The following MEGF11 variants were observed in gnomAD, a reference collection of about 807,000 sequenced individuals.
MEGF11 encodes multiple epidermal growth factor-like domains protein 11.
MEGF11 carries 126 observed loss-of-function variants against 146.6 expected under a neutral mutation model. The observed-to-expected ratio is 0.86, with a 90% CI of 0.74 to 1.00. The LOEUF (loss-of-function observed/expected upper bound fraction) is 1.00. MEGF11 is among the 50% of genes least tolerant of loss of function. The pLI, the probability that MEGF11 is intolerant of heterozygous loss-of-function variation, is 0.00. For synonymous variants in MEGF11, 532 were observed against 583.4 expected (o/e 0.91, Z 1.27); for missense variants, 1,509 against 1,521.2 (o/e 0.99, Z 0.13).
intron 5 of MEGF11, among the ~76,000 whole-genome samples, chr15:66,006,073 T>C (rs2082511481): frequency 6.6e-6 from 1 of 152,212 alleles, no homozygotes; most frequent in Admixed American, 6.5e-5. Flanking sequence ...AGCCTCAGTA[T>C]TCATCATCTG....
chr15:66,222,251 A>G (rs57203499), intron 1 of MEGF11, among the ~76,000 whole-genome samples: 3,313 of 152,060 alleles, frequency 0.022, 125 homozygotes, highest in African/African-American at 0.077. Context: ...CCTTGGACCC[A>G]GTACCAACCT....
chr15:66,081,671 G>A (rs1352892441), intron 5 of MEGF11, among the ~76,000 whole-genome samples: 3 of 152,140 alleles, frequency 2.0e-5, no homozygotes, highest in Non-Finnish European at 4.4e-5. Flanking sequence ...GAGCGACTGC[G>A]CCTGGCCCTT....
At chr15:65,910,230 G>C (rs1457769983) in intron 21 of MEGF11, among the ~76,000 whole-genome samples, 3 of 152,180 alleles carry the variant, frequency 2.0e-5, no homozygotes, top group Admixed American at 6.5e-5. Context: ...ACCTGATCCT[G>C]ATTGGGGCTG....
At chr15:66,024,862 A>G (rs1248033077) in intron 5 of MEGF11, among the ~76,000 whole-genome samples, 1 of 152,144 alleles carries the variant, frequency 6.6e-6, no homozygotes, top group Non-Finnish European at 1.5e-5. Context: ...CAGCTCAGCT[A>G]AGAGAGGCCA....
chr15:65,949,665 G>A (rs1467302568), intron 10 of MEGF11, among the ~76,000 whole-genome samples: 2 of 152,350 alleles, frequency 1.3e-5, no homozygotes, highest in Middle Eastern at 3.4e-3. Flanking sequence ...ATGGCCAGAG[G>A]GCCCCTTATC....
rs981988008 is a variant in MEGF11, at chr15:65,895,457, CAT to C, written c.*2475_*2476del. On this transcript the variant is annotated 3_prime_UTR_variant, in exon 26 of 26. Coordinates refer to ENST00000395614, the MANE Select transcript of MEGF11 (RefSeq NM_001385028.1). ...TTCTTTCATTCATTTTAATTGTACACATATTAATTTTTTGAAAATTTAGTTTC... is the reference window on the plus strand; with the variant it reads ...TTCTTTCATTCATTTTAATTGTACACATTAATTTTTTGAAAATTTAGTTTC... 2 of 152,612 alleles carry C rather than the reference CAT, an allele frequency of 1.3e-5. No homozygotes were observed. The highest frequency in any genetic ancestry group is 4.8e-5 in the African/African-American group (2 of 41,438). 9.5% of individuals were successfully genotyped at this position (152,612 alleles called of 1,614,324 possible). A position where few individuals can be genotyped will look rare whatever the true frequency, so the allele number is the denominator to read the frequency against.
chr15:66,100,969 C>T (rs555632746), intron 4 of MEGF11, among the ~76,000 whole-genome samples: 141 of 63,314 alleles, frequency 2.2e-3, no homozygotes, highest in African/African-American at 8.6e-3. Context: ...GGTGAACAGG[C>T]GGGTGAGTGA....
At chr15:65,929,938 T>G in intron 11 of MEGF11, 55 bp from the exon 12 acceptor site, 1 of 1,525,978 alleles carries the variant, frequency 6.6e-7, no homozygotes. Flanking sequence ...TGTGTCTTTT[T>G]TGCCCACTCC....
chr15:65,912,157 G>A lies in MEGF11; in HGVS notation c.2754C>T (p.Ser918=), dbSNP rs889828290. Residue 918 remains serine (S), a synonymous_variant, in exon 21 of 26, where the codon TCC becomes TCT. Transcript: ENST00000395614. ...SSSHAHCFSN[S]SYHALACGGP... ...CCCCACATGCCAGTGCGTGGTAGCT[G>A]GAATTGGAAAAGCAGTGGGCATGGC... 189 of 1,232,110 alleles carry A rather than the reference G, an allele frequency of 1.5e-4. No homozygotes were observed. The highest frequency in any genetic ancestry group is 1.9e-4 in the Non-Finnish European group (189 of 988,070). 76.3% of individuals were successfully genotyped at this position (1,232,110 alleles called of 1,614,324 possible).
chr15:66,174,663 A>G (rs1053472662), intron 1 of MEGF11, among the ~76,000 whole-genome samples: 2 of 151,374 alleles, frequency 1.3e-5, no homozygotes, highest in Non-Finnish European at 2.9e-5. Context: ...AGCCACAGGG[A>G]AGAAGCCCAG....
At chr15:66,186,783 TTTGGC>T (rs1456158670) in intron 1 of MEGF11, among the ~76,000 whole-genome samples, 2 of 152,244 alleles carry the variant, frequency 1.3e-5, no homozygotes, top group Admixed American at 1.3e-4. Flanking sequence ...CTCTGTCCTG[TTTGGC>T]CATGAAAACA....
chr15:66,122,847 C>T (rs1484507057), intron 3 of MEGF11, among the ~76,000 whole-genome samples: 4 of 152,234 alleles, frequency 2.6e-5, no homozygotes, highest in East Asian at 1.9e-4. Flanking sequence ...GGCATGATCT[C>T]GGCTCACTGC....
In MEGF11 at chr15:65,982,585, A is replaced by AG; in HGVS notation, c.395-98dup. On this transcript the variant is annotated intron_variant, in intron 5 of 25. Transcript: ENST00000395614. The surrounding 1 kb of genome is among the most constrained non-coding windows in gnomAD (Gnocchi z 5.6). ...GCCCATGCGGCCTTCCCATCTTTGCAGCGCTGCTCCCCGGACAGGTGGCAG... is the reference window on the plus strand; with the variant it reads ...GCCCATGCGGCCTTCCCATCTTTGCAGGCGCTGCTCCCCGGACAGGTGGCAG... 7 of 1,362,644 alleles carry AG rather than the reference A, an allele frequency of 5.1e-6. No individual in the cohort carries two copies. Among genetic ancestry groups the AG allele is most frequent in the Non-Finnish European group, 6.7e-6 (7 of 1,049,558 alleles). 84.4% of individuals were successfully genotyped at this position (1,362,644 alleles called of 1,614,324 possible).
chr15:66,153,829 G>T (rs897270843), intron 1 of MEGF11, among the ~76,000 whole-genome samples: 7 of 152,180 alleles, frequency 4.6e-5, no homozygotes, highest in Non-Finnish European at 1.5e-5. Flanking sequence ...GCTTCTCTGA[G>T]CCTCAGTCAT....
intron 4 of MEGF11, among the ~76,000 whole-genome samples, chr15:66,111,784 C>A (rs1347426382): frequency 6.6e-6 from 1 of 152,158 alleles, no homozygotes; most frequent in African/African-American, 2.4e-5. Flanking sequence ...ATGGGGTCTC[C>A]TTTAGGGGTG....
intron 4 of MEGF11, among the ~76,000 whole-genome samples, chr15:66,118,795 C>T (rs1225571757): frequency 6.6e-6 from 1 of 152,214 alleles, no homozygotes. Context: ...TCTCAGAGTG[C>T]CCACTCCAGA....
In MEGF11 at chr15:65,982,546, G is replaced by A. The variant is rs2081691784; in HGVS notation, c.395-58C>T. 7.0e-7 allele frequency: 1 copy of A among 1,418,638 alleles called. No homozygotes were observed. 87.9% of individuals were successfully genotyped at this position (1,418,638 alleles called of 1,614,324 possible). A position where few individuals can be genotyped will look rare whatever the true frequency, so the allele number is the denominator to read the frequency against. On this transcript the variant is annotated intron_variant, in intron 5 of 25. Coordinates refer to ENST00000395614, the MANE Select transcript of MEGF11 (RefSeq NM_001385028.1). The surrounding 1 kb of genome is among the most constrained non-coding windows in gnomAD (Gnocchi z 5.6). ...CCCCGAAGGCTCTCCTTGGGGCAGGGGCCAGGAACCGATGCCCATGCGGCC... is the reference window on the plus strand; with the variant it reads ...CCCCGAAGGCTCTCCTTGGGGCAGGAGCCAGGAACCGATGCCCATGCGGCC...
At chr15:66,047,210 G>A (rs1461106125) in intron 5 of MEGF11, among the ~76,000 whole-genome samples, 1 of 152,146 alleles carries the variant, frequency 6.6e-6, no homozygotes, top group Non-Finnish European at 1.5e-5. Flanking sequence ...TTAAAAAGCT[G>A]CTGGGCAGTT....
intron 10 of MEGF11, among the ~76,000 whole-genome samples, chr15:65,948,188 G>A (rs2080266618): frequency 6.6e-6 from 1 of 152,048 alleles, no homozygotes; most frequent in Non-Finnish European, 1.5e-5. Context: ...GGTACAGGAA[G>A]CTCATGAGAT....
Sources: gnomAD v4.1 joint callset for allele counts (sites outside exome capture counted in the v4.1 genomes callset) on GRCh38, gnomAD v4.1.1 for gene constraint, Gnocchi (gnomAD v3.1) non-coding constraint, MANE v1.5 for transcripts, NCBI Gene and HGNC (gene_info 2026-07-23, HGNC 2026-07-21) for gene names.